The following PLCL1 variants were observed in gnomAD, a reference collection of about 807,000 sequenced individuals.
PLCL1 encodes the protein inactive phospholipase C-like protein 1.
In PLCL1, 41 loss-of-function variants were observed where a neutral mutation model predicts 84.4. The observed-to-expected ratio is 0.49, with a 90% CI of 0.38 to 0.63. The LOEUF is 0.63. Among genes scored for constraint, PLCL1 ranks in the 30% least tolerant of loss-of-function variants. The pLI is 0.00. For synonymous variants in PLCL1, 490 were observed against 488.3 expected (o/e 1.00, Z -0.05); for missense variants, 1,206 against 1,367.8 (o/e 0.88, Z 1.87).
chr2:198,101,008 G>A (rs957177329), intron 3 of PLCL1, among the ~76,000 whole-genome samples: 3 of 152,088 alleles, frequency 2.0e-5, no homozygotes, highest in Non-Finnish European at 4.4e-5. Context: ...GGGACATAAG[G>A]AATGTATATA....
intron 1 of PLCL1, among the ~76,000 whole-genome samples, chr2:198,020,303 A>G (rs530164361): frequency 6.6e-6 from 1 of 152,338 alleles, no homozygotes; most frequent in South Asian, 2.1e-4. Flanking sequence ...TATAAAGACC[A>G]TTGACAGTAT....
intron 1 of PLCL1, among the ~76,000 whole-genome samples, chr2:198,035,752 T>G (rs911036576): frequency 2.0e-5 from 3 of 152,234 alleles, no homozygotes; most frequent in Non-Finnish European, 2.9e-5. Context: ...GTGTGTGGTA[T>G]GGCTGGATGC....
intron 1 of PLCL1, among the ~76,000 whole-genome samples, chr2:198,076,543 G>A (rs1692579957): frequency 6.6e-6 from 1 of 152,096 alleles, no homozygotes; most frequent in Non-Finnish European, 1.5e-5. Flanking sequence ...TAAAATAACT[G>A]TTCAGATCCT....
intron 1 of PLCL1, among the ~76,000 whole-genome samples, chr2:198,025,144 A>T (rs1416424279): frequency 6.6e-6 from 1 of 152,162 alleles, no homozygotes; most frequent in Non-Finnish European, 1.5e-5. Context: ...AATCAAAACT[A>T]TGAAACAAGG....
At chr2:198,003,405 G>A (rs1406397993) in intron 1 of PLCL1, among the ~76,000 whole-genome samples, 2 of 152,098 alleles carry the variant, frequency 1.3e-5, no homozygotes, top group African/African-American at 2.4e-5. Context: ...TAATAGAGAT[G>A]CTCCTTATGG....
intron 1 of PLCL1, among the ~76,000 whole-genome samples, chr2:197,816,291 C>A (rs1379586674): frequency 1.3e-5 from 2 of 152,034 alleles, no homozygotes; most frequent in Admixed American, 1.3e-4. Context: ...GGCTAATGAT[C>A]ATTAGCATTT....
intron 1 of PLCL1, among the ~76,000 whole-genome samples, chr2:198,010,213 G>T (rs886252651): frequency 1.3e-5 from 2 of 151,836 alleles, no homozygotes; most frequent in African/African-American, 2.4e-5. Context: ...TCGAATAGTC[G>T]TGGCAAGAGT....
At chr2:197,853,374 T>A (rs914738603) in intron 1 of PLCL1, among the ~76,000 whole-genome samples, 1 of 152,204 alleles carries the variant, frequency 6.6e-6, no homozygotes, top group Non-Finnish European at 1.5e-5. Flanking sequence ...GTTTTTTGGG[T>A]ATATTCCCCG....
intron 1 of PLCL1, among the ~76,000 whole-genome samples, chr2:197,893,967 C>G (rs1236854861): frequency 6.6e-6 from 1 of 151,926 alleles, no homozygotes; most frequent in African/African-American, 2.4e-5. Context: ...TCTCCTCCTA[C>G]TTGCCAAGGT....
intron 1 of PLCL1, among the ~76,000 whole-genome samples, chr2:197,903,498 T>C (rs1178933268): frequency 7.8e-6 from 1 of 127,556 alleles, no homozygotes; most frequent in Non-Finnish European, 1.7e-5. Flanking sequence ...TTTTTTTTTT[T>C]TTTGAGACGG....
chr2:197,833,073 T>C (rs1691104893), intron 1 of PLCL1, among the ~76,000 whole-genome samples: 1 of 152,170 alleles, frequency 6.6e-6, no homozygotes, highest in Admixed American at 6.5e-5. Context: ...CATGGTGACA[T>C]GTGCCTGGAA....
intron 5 of PLCL1, among the ~76,000 whole-genome samples, chr2:198,129,432 T>A (rs1359456196): frequency 6.6e-6 from 1 of 152,154 alleles, no homozygotes; most frequent in Non-Finnish European, 1.5e-5. Context: ...CAATTGCCAA[T>A]CAGAAAAATC....
At chr2:197,907,190 C>A (rs1225012485) in intron 1 of PLCL1, among the ~76,000 whole-genome samples, 2 of 152,184 alleles carry the variant, frequency 1.3e-5, no homozygotes, top group East Asian at 1.9e-4. Flanking sequence ...CTGGCCAGGG[C>A]AATCAGGCAA....
chr2:197,849,488 T>A (rs1354360792), intron 1 of PLCL1, among the ~76,000 whole-genome samples: 1 of 152,106 alleles, frequency 6.6e-6, no homozygotes, highest in Non-Finnish European at 1.5e-5. Context: ...AAAGGAAGAT[T>A]TAAATGATTA....
intron 3 of PLCL1, among the ~76,000 whole-genome samples, chr2:198,098,107 C>T (rs3771362): frequency 0.22 from 32,970 of 152,008 alleles, 4,094 homozygotes; most frequent in Middle Eastern, 0.32. Flanking sequence ...ACTGCAGAAC[C>T]ATAGAATCGA....
intron 1 of PLCL1, among the ~76,000 whole-genome samples, chr2:197,940,066 C>T (rs1574959653): frequency 1.3e-5 from 2 of 152,146 alleles, no homozygotes; most frequent in South Asian, 2.1e-4. Context: ...TGTTTCTTAA[C>T]TGTATAAATG....
At chr2:197,940,324 A>G (rs1178729838) in intron 1 of PLCL1, among the ~76,000 whole-genome samples, 1 of 152,204 alleles carries the variant, frequency 6.6e-6, no homozygotes, top group Non-Finnish European at 1.5e-5. Context: ...TCAGAAAGCA[A>G]ATGAAGTGAA....
At chr2:197,826,818 G>A (rs1301123119) in intron 1 of PLCL1, among the ~76,000 whole-genome samples, 8 of 152,108 alleles carry the variant, frequency 5.3e-5, no homozygotes, top group Non-Finnish European at 1.0e-4. Flanking sequence ...TTTATTGAAT[G>A]AGTGAATATA....
At chr2:198,021,292 G>T (rs1240763187) in intron 1 of PLCL1, among the ~76,000 whole-genome samples, 1 of 152,192 alleles carries the variant, frequency 6.6e-6, no homozygotes, top group Non-Finnish European at 1.5e-5. Flanking sequence ...ACAGGAGAAA[G>T]CAGGAAAGAT....
Sources: allele counts gnomAD v4.1 joint callset (sites outside exome capture counted in the v4.1 genomes callset), GRCh38; gene constraint gnomAD v4.1.1; transcripts MANE v1.5; gene names NCBI Gene and HGNC (gene_info 2026-07-23, HGNC 2026-07-21).